Variants in RP1 observed in about 807,000 individuals in gnomAD.
RP1 encodes the protein RP1 axonemal microtubule associated, also known as oxygen-regulated protein 1.
In RP1, 16 loss-of-function variants were observed where a neutral mutation model predicts 14.8. That is an observed-to-expected ratio of 1.08 (90% CI 0.73 to 1.65). RP1 has a LOEUF of 1.65. RP1 is among the 40% of genes most tolerant of loss of function. The pLI is 0.00. For missense variants in RP1, 2,631 were observed against 2,535.0 expected (o/e 1.04, Z -0.81); for synonymous variants, 876 against 883.6 (o/e 0.99, Z 0.15).
chr8:54,734,441 C>A, intron 17 of RP1: 1 of 1,105,868 alleles, frequency 9.0e-7, no homozygotes, highest in Non-Finnish European at 1.3e-6. Flanking sequence ...GCTTGCTTCA[C>A]CCTACCCTGC....
chr8:54,643,191 G>A (rs1386865486), intron 3 of RP1, among the ~76,000 whole-genome samples: 2 of 151,814 alleles, frequency 1.3e-5, no homozygotes, highest in Admixed American at 6.6e-5. Context: ...GTTTATTAAT[G>A]TTGAAAAAAA....
At chr8:54,711,801 C>T (rs1288224842) in intron 15 of RP1, among the ~76,000 whole-genome samples, 1 of 151,524 alleles carries the variant, frequency 6.6e-6, no homozygotes. Flanking sequence ...TCACCCATTG[C>T]AAGCTTCCCG....
intron 24 of RP1, among the ~76,000 whole-genome samples, chr8:54,809,619 T>C (rs1341138622): frequency 6.6e-6 from 1 of 152,200 alleles, no homozygotes; most frequent in Non-Finnish European, 1.5e-5. Flanking sequence ...TTCACAGCCA[T>C]TGTACTGTAA....
At chr8:54,731,432 T>A (rs1473001905) in intron 17 of RP1, among the ~76,000 whole-genome samples, 1 of 152,174 alleles carries the variant, frequency 6.6e-6, no homozygotes, top group African/African-American at 2.4e-5. Flanking sequence ...AAACTTCTGG[T>A]CAACAAAAGC....
chr8:54,783,362 T>C (rs1421356202), intron 23 of RP1, among the ~76,000 whole-genome samples: 1 of 152,254 alleles, frequency 6.6e-6, no homozygotes, highest in Admixed American at 6.5e-5. Flanking sequence ...TAAGCTACAA[T>C]ATTTCCAAAA....
At chr8:54,766,417 T>A (rs1282456219) in intron 22 of RP1, among the ~76,000 whole-genome samples, 1 of 152,160 alleles carries the variant, frequency 6.6e-6, no homozygotes, top group Non-Finnish European at 1.5e-5. Flanking sequence ...TCTGAGCATG[T>A]ATTTGTGCTG....
At chr8:54,810,279 T>G (rs756728817) in intron 24 of RP1, among the ~76,000 whole-genome samples, 2 of 152,254 alleles carry the variant, frequency 1.3e-5, no homozygotes, top group Non-Finnish European at 2.9e-5. Context: ...GGTGGCTGTT[T>G]TGATCCCAGC....
Position 54,708,263 on chromosome 8 carries a change from A to G in RP1, c.2211+1608A>G, listed in dbSNP as rs557070347. Among the ~76,000 whole-genome samples the G allele has an allele frequency of 1.1e-4, 17 of 152,252 alleles. No homozygotes were observed. The South Asian group carries it at 3.5e-3, about 32-fold the overall frequency. On this transcript the variant is annotated intron_variant, in intron 15 of 22. Transcript: ENST00000636932. Reference sequence around the variant, plus strand: ...AAATGGGTCAACATTGGAAATGTTTATCTTCCCCGGGTAGTAACCAAAGGG... The same window carrying G: ...AAATGGGTCAACATTGGAAATGTTTGTCTTCCCCGGGTAGTAACCAAAGGG...
chr8:54,659,092 G>C (rs1181818877), intron 6 of RP1, among the ~76,000 whole-genome samples: 1 of 152,008 alleles, frequency 6.6e-6, no homozygotes, highest in Non-Finnish European at 1.5e-5. Context: ...TTATTGTTTA[G>C]TTGAAGGAGT....
chr8:54,706,759 A>G (rs1435794842), intron 15 of RP1: 14 of 1,116,618 alleles, frequency 1.3e-5, no homozygotes, highest in East Asian at 7.7e-5. Context: ...TGAATGTTAC[A>G]TGTGGTGGTC....
At chr8:54,748,509 C>T (rs889404931) in intron 19 of RP1, among the ~76,000 whole-genome samples, 15 of 152,142 alleles carry the variant, frequency 9.9e-5, no homozygotes, top group African/African-American at 3.4e-4. Flanking sequence ...AGTTGGTCCC[C>T]CTTGTACAGT....
In RP1 at chr8:54,630,150, A is replaced by G; in HGVS notation, c.6268A>G (p.Asn2090Asp). 6.2e-7 allele frequency: 1 copy of G among 1,613,872 alleles called. No individual in the cohort carries two copies. Among genetic ancestry groups the G allele is most frequent in the Non-Finnish European group, 8.5e-7 (1 of 1,179,946 alleles). ...AAATCTCAACCAAGTAGTAAGAGAA[A>G]ATATCAACTGTCATTACTTCTTTGA... is the stretch of plus-strand genomic sequence containing the variant. ...RTNLNQVVRE[N>D]INCHYFFEML... The change falls in exon 4 of 4, where the codon AAT becomes GAT. Residue 2090 changes from asparagine (N) to aspartate (D), a missense_variant. By Grantham distance (23) the Asn-to-Asp change is conservative. Coordinates refer to ENST00000220676, the MANE Select transcript of RP1 (RefSeq NM_006269.2).
rs966852454 is a variant in RP1 at position 54,769,611 on chromosome 8, C to T, written c.3249-130C>T. The T allele has an allele frequency of 1.1e-5, 7 of 657,496 alleles. No individual in the cohort carries two copies. In the African/African-American group the frequency reaches 1.1e-4, roughly 10 times the overall value. 40.7% of individuals were successfully genotyped at this position (657,496 alleles called of 1,614,324 possible). A position where few individuals can be genotyped will look rare whatever the true frequency, so the allele number is the denominator to read the frequency against. ...TTGTGTTTGACTATATAAAAAGCAA[C>T]TTTATAGTTAACATTTAGTGTGCAA... On this transcript the variant is annotated intron_variant, in intron 22 of 22. Transcript: ENST00000636932.
chr8:54,853,934 GAGAA>G (rs1350828116), intron 26 of RP1, among the ~76,000 whole-genome samples: 2 of 142,730 alleles, frequency 1.4e-5, no homozygotes, highest in African/African-American at 2.6e-5. Flanking sequence ...GGGAGAGAGA[GAGAA>G]AGGAAGGAAG....
intron 27 of RP1, among the ~76,000 whole-genome samples, chr8:54,864,069 A>C (rs964671700): frequency 1.3e-5 from 2 of 152,228 alleles, no homozygotes; most frequent in African/African-American, 4.8e-5. Context: ...TGAAGTTCAA[A>C]TCTAAAATAA....
intron 3 of RP1, among the ~76,000 whole-genome samples, chr8:54,639,647 A>T (rs988400025): frequency 6.6e-6 from 1 of 152,134 alleles, no homozygotes; most frequent in Non-Finnish European, 1.5e-5. Context: ...TTTTCTAATG[A>T]CTATTGATGT....
chr8:54,690,221 G>T (rs1238899993), intron 12 of RP1, among the ~76,000 whole-genome samples: 1 of 151,942 alleles, frequency 6.6e-6, no homozygotes, highest in Non-Finnish European at 1.5e-5. Context: ...TGAGGTCATT[G>T]CTAATAGTTA....
chr8:54,644,132 A>G (rs1323700418), intron 3 of RP1, among the ~76,000 whole-genome samples: 1 of 152,200 alleles, frequency 6.6e-6, no homozygotes, highest in East Asian at 1.9e-4. Context: ...AAAACAAATT[A>G]TTTGTTTCTA....
At chr8:54,716,197 A>G (rs1006551961) in intron 15 of RP1, among the ~76,000 whole-genome samples, 1 of 152,182 alleles carries the variant, frequency 6.6e-6, no homozygotes, top group Non-Finnish European at 1.5e-5. Context: ...TGAAAAGCCC[A>G]TAATTTATCT....
Sources: allele counts gnomAD v4.1 joint callset (sites outside exome capture counted in the v4.1 genomes callset), GRCh38; gene constraint gnomAD v4.1.1; transcripts MANE v1.5; gene names NCBI Gene and HGNC (gene_info 2026-07-23, HGNC 2026-07-21).